Variants in ABCC12 observed in about 807,000 individuals in gnomAD.
ABCC12 encodes ATP binding cassette subfamily C member 12, also known as ATP-binding cassette sub-family C member 12.
ABCC12 carries 142 observed loss-of-function variants against 151.1 expected under a neutral mutation model. The observed-to-expected ratio is 0.94, with a 90% CI of 0.82 to 1.08. The LOEUF (loss-of-function observed/expected upper bound fraction) is 1.08. Ranked by LOEUF, ABCC12 falls within the 50% of genes least tolerant of loss-of-function variation. ABCC12 has a pLI of 0.00. For missense variants in ABCC12, 1,638 were observed against 1,691.1 expected (o/e 0.97, Z 0.55); for synonymous variants, 645 against 646.4 (o/e 1.00, Z 0.03).
intron 21 of ABCC12, 39 bp from the exon 22 acceptor site, chr16:48,104,407 C>A: frequency 5.1e-6 from 8 of 1,581,562 alleles, no homozygotes; most frequent in African/African-American, 1.3e-5. Context: ...AGTCGAGATG[C>A]GTGCTTAGTA....
intron 8 of ABCC12, among the ~76,000 whole-genome samples, chr16:48,134,037 T>A (rs1964524879): frequency 6.6e-6 from 1 of 152,062 alleles, no homozygotes; most frequent in South Asian, 2.1e-4. Context: ...CTGCCGTAAG[T>A]GGATGGTGTC....
intron 24 of ABCC12, 27 bp from the exon 25 acceptor site, chr16:48,091,236 G>C (rs773520326): frequency 2.5e-6 from 4 of 1,606,350 alleles, no homozygotes; most frequent in Non-Finnish European, 3.4e-6. Context: ...AGCAGCCGCA[G>C]TTAGAGCCCC....
chr16:48,106,170 G>A (rs566284767), intron 20 of ABCC12, among the ~76,000 whole-genome samples: 4 of 152,362 alleles, frequency 2.6e-5, no homozygotes, highest in Admixed American at 2.0e-4. Flanking sequence ...TAAATCAGAG[G>A]TGGCTGATGG....
chr16:48,103,507 G>C (rs1225692538), intron 22 of ABCC12, among the ~76,000 whole-genome samples: 3 of 152,226 alleles, frequency 2.0e-5, no homozygotes, highest in African/African-American at 4.8e-5. Context: ...ATTAAGGAGA[G>C]AGGAAACTGA....
intron 9 of ABCC12, among the ~76,000 whole-genome samples, chr16:48,132,190 G>A (rs1383209552): frequency 6.6e-6 from 1 of 152,204 alleles, no homozygotes; most frequent in Admixed American, 6.5e-5. Context: ...GGATCACAGA[G>A]AGCCACAATA....
At chr16:48,131,102 A>G (rs1176139422) in intron 9 of ABCC12, among the ~76,000 whole-genome samples, 1 of 152,114 alleles carries the variant, frequency 6.6e-6, no homozygotes, top group African/African-American at 2.4e-5. Context: ...TTGCTTTGGG[A>G]TTTTCACCAA....
chr16:48,107,478 G>T, intron 19 of ABCC12, 53 bp from the exon 20 acceptor site: 1 of 1,510,180 alleles, frequency 6.6e-7, no homozygotes, highest in Non-Finnish European at 9.2e-7. Context: ...CACATGGCAG[G>T]GGCTGACCTT....
At chr16:48,139,016 C>T (rs919550522) in intron 7 of ABCC12, 147 bp downstream of exon 7, 14 of 958,470 alleles carry the variant, frequency 1.5e-5, no homozygotes, top group Non-Finnish European at 2.0e-5. Context: ...AACAAAAAAC[C>T]ACTACTCTGT....
At chr16:48,115,688 T>G in intron 14 of ABCC12, 70 bp from the exon 15 acceptor site, 1 of 1,468,822 alleles carries the variant, frequency 6.8e-7, no homozygotes, top group South Asian at 1.3e-5. Context: ...GGAAGCTTCC[T>G]GGAGCTTCTC....
chr16:48,085,791 G>C (rs192759010), intron 28 of ABCC12, 85 bp from the exon 29 acceptor site: 444 of 1,060,136 alleles, frequency 4.2e-4, no homozygotes, highest in Non-Finnish European at 2.5e-4. Context: ...CCCTTCTCTT[G>C]CATTCATCAG....
intron 4 of ABCC12, among the ~76,000 whole-genome samples, chr16:48,142,338 G>A (rs897241097): frequency 1.3e-5 from 2 of 152,182 alleles, no homozygotes; most frequent in African/African-American, 4.8e-5. Context: ...TGTTATTGGG[G>A]GAGTCAGCAT....
At chr16:48,124,636 A>G (rs1964181730) in intron 11 of ABCC12, among the ~76,000 whole-genome samples, 1 of 152,230 alleles carries the variant, frequency 6.6e-6, no homozygotes, top group Admixed American at 6.5e-5. Flanking sequence ...CAGAAAAGCA[A>G]ATCTAATGGG....
chr16:48,137,367 G>A (rs1003519285), intron 8 of ABCC12, among the ~76,000 whole-genome samples: 12 of 152,200 alleles, frequency 7.9e-5, no homozygotes, highest in Admixed American at 7.2e-4. Flanking sequence ...GAACTAAATC[G>A]ACAAGTTAAA....
At chr16:48,154,966 C>A (rs909187037) in intron 1 of ABCC12, among the ~76,000 whole-genome samples, 1 of 152,270 alleles carries the variant, frequency 6.6e-6, no homozygotes, top group African/African-American at 2.4e-5. Context: ...TCCTCCAGGG[C>A]CTGACTGGCC....
chr16:48,104,270 C>T lies in ABCC12; in HGVS notation c.2772G>A (p.Pro924=), dbSNP rs146674868. 113 of 1,614,268 alleles carry T rather than the reference C, an allele frequency of 7.0e-5. 1 individual carries two copies. The East Asian group carries it at 1.2e-3, about 17-fold the overall frequency. ...GCTGCAGAAAGTTCTCTGCGTGAAA[C>T]GGCAGCCTCACATCCAGCTCGTCCA... The part of the protein sequence containing the change: ...KDMDELDVRL[P]FHAENFLQQF... The change falls in exon 22 of 31, where the codon CCG becomes CCA. Residue 924 remains proline (P), a synonymous_variant. Transcript: ENST00000311303.
chr16:48,110,233 TCTTTCCCC>T lies in ABCC12; in HGVS notation c.2281+1195_2281+1202del, dbSNP rs201766325. On this transcript the variant is annotated intron_variant, in intron 18 of 30. Coordinates refer to ENST00000311303, the MANE Select transcript of ABCC12 (RefSeq NM_001393797.1). ...GATCTCATCGATTCGAAGGCTCACT[TCTTTCCCC>T]CACATTGTAACATCTCTGGAATCTG... 9.8e-3 allele frequency among the ~76,000 whole-genome samples: 1,488 copies of T among 152,330 alleles called. 30 individuals carry two copies. Among genetic ancestry groups the T allele is most frequent in the African/African-American group, 0.034 (1,427 of 41,574 alleles).
At chr16:48,111,534 G>A in intron 17 of ABCC12, 27 bp from the exon 18 acceptor site, 2 of 1,613,972 alleles carry the variant, frequency 1.2e-6, no homozygotes, top group Admixed American at 1.7e-5. Flanking sequence ...AGAGAGATCT[G>A]TGTCCATTCA....
Position 48,105,307 on chromosome 16 carries a change from G to A in ABCC12, c.2505C>T (p.Thr835=), listed in dbSNP as rs1174775908. Residue 835 remains threonine (T), a synonymous_variant, in exon 21 of 31, where the codon ACC becomes ACT. Coordinates refer to ENST00000311303, the MANE Select transcript of ABCC12 (RefSeq NM_001393797.1). ...CCAGCACCGCGCCGACCTCACACAT[G>A]GTCCTGTTGCCCTGGGGCCCACAGG... ...RMTCGPQGNR[T]MCEVGAVLAD... 1.2e-6 allele frequency: 2 copies of A among 1,612,620 alleles called. No homozygotes were observed. The highest frequency in any genetic ancestry group is 1.7e-5 in the Admixed American group (1 of 59,890).
At position 48,105,138 on chromosome 16, in the gene ABCC12, C is replaced by T; in HGVS notation, c.2673+1G>A. 6.2e-7 allele frequency: 1 copy of T among 1,614,136 alleles called. No individual in the cohort carries two copies. The highest frequency in any genetic ancestry group is 8.5e-7 in the Non-Finnish European group (1 of 1,180,020). On this transcript the variant is annotated splice_donor_variant, in intron 21 of 30. Coordinates refer to ENST00000311303, the MANE Select transcript of ABCC12 (RefSeq NM_001393797.1). LOFTEE classifies it high-confidence loss of function. ...TACACCTGCAATGCTTGTGGCCCTA[C>T]CTTATCAAACACCGTGTCATGCAGA...
Sources: gnomAD v4.1 joint callset for allele counts (sites outside exome capture counted in the v4.1 genomes callset) on GRCh38, gnomAD v4.1.1 for gene constraint, MANE v1.5 for transcripts, NCBI Gene and HGNC (gene_info 2026-07-23, HGNC 2026-07-21) for gene names.